The following LARP6 variants were observed in gnomAD, a reference collection of about 807,000 sequenced individuals.
The protein encoded by LARP6 is la-related protein 6.
Under a neutral mutation model 32.8 loss-of-function variants are expected in LARP6, and 18 were observed. That is an observed-to-expected ratio of 0.55 (90% CI 0.38 to 0.81). LARP6 has a LOEUF of 0.81. Among genes scored for constraint, LARP6 ranks in the 40% least tolerant of loss-of-function variants. The pLI is 0.00. For synonymous variants in LARP6, 289 were observed against 267.2 expected (o/e 1.08, Z -0.80); for missense variants, 598 against 663.1 (o/e 0.90, Z 1.08).
intron 1 of LARP6, among the ~76,000 whole-genome samples, chr15:70,844,917 T>G (rs2032320282): frequency 6.6e-6 from 1 of 152,196 alleles, no homozygotes; most frequent in African/African-American, 2.4e-5. Context: ...CTGTATCCTT[T>G]GGGGTCAGTT....
intron 1 of LARP6, among the ~76,000 whole-genome samples, chr15:70,845,241 C>T (rs553192207): frequency 7.2e-5 from 11 of 152,024 alleles, no homozygotes; most frequent in Admixed American, 3.3e-4. Context: ...TCCCTTTTTC[C>T]GTTCCAGGAT....
chr15:70,848,553 G>A lies in LARP6; in HGVS notation c.200+5336C>T, dbSNP rs183370529. Among the ~76,000 whole-genome samples the A allele has an allele frequency of 2.9e-3, 439 of 152,274 alleles. 5 individuals carry two copies. Among genetic ancestry groups the A allele is most frequent in the African/African-American group, 0.01 (429 of 41,554 alleles). On this transcript the variant is annotated intron_variant, in intron 1 of 2. Transcript: ENST00000299213. ...TCGAGACTAGCCTGGCCAACATGGT[G>A]AAACCCTGTCTCTACTAAAAATACA...
chr15:70,832,481 A>T lies in LARP6; in HGVS notation c.1047T>A (p.Pro349=). 4 of 1,549,304 alleles carry T rather than the reference A, an allele frequency of 2.6e-6. No homozygotes were observed. The highest frequency in any genetic ancestry group is 3.5e-6 in the Non-Finnish European group (4 of 1,151,002). The part of the protein sequence containing the change: ...SSDPESNPTS[P]MAGRRHAATN... ...TGGCCGCGTGCCGTCGGCCCGCCAT[A>T]GGGGATGTGGGGTTGCTCTCGGGGT... Residue 349 remains proline (P), a synonymous_variant, in exon 3 of 3, where the codon CCT becomes CCA. Coordinates refer to ENST00000299213, the MANE Select transcript of LARP6 (RefSeq NM_018357.4).
In LARP6 at chr15:70,832,327, C is replaced by T. The variant is rs1351579244; in HGVS notation, c.1201G>A (p.Glu401Lys). 6.8e-6 allele frequency: 11 copies of T among 1,614,132 alleles called. No homozygotes were observed. ...GVSRKSPLAEEGRLNCSTSPE... is the reference protein window; with the variant it reads ...GVSRKSPLAEKGRLNCSTSPE... ...CTGGTGCTGCAGTTCAGTCTACCTT[C>T]CTCCGCCAGTGGGGACTTTCTGGAA... Residue 401 changes from glutamate to lysine, a missense_variant, in exon 3 of 3, where the codon GAA (glutamate) becomes AAA (lysine). Around this residue, in one of 3 missense-constraint regions of LARP6, gnomAD observed 368 missense variants for 397.9 expected, o/e 0.92. Transcript: ENST00000299213.
intron 1 of LARP6, among the ~76,000 whole-genome samples, chr15:70,842,895 T>G (rs1268553945): frequency 6.6e-6 from 1 of 152,120 alleles, no homozygotes; most frequent in Admixed American, 6.5e-5. Context: ...ACTATGCATC[T>G]CCAAAGGGGG....
At chr15:70,841,088 T>C (rs2032248456) in intron 1 of LARP6, among the ~76,000 whole-genome samples, 1 of 151,666 alleles carries the variant, frequency 6.6e-6, no homozygotes, top group Non-Finnish European at 1.5e-5. Context: ...TAATTTTTTG[T>C]ATTTTTAGTA....
At position 70,831,865 on chromosome 15, in the gene LARP6, C is replaced by A. The variant is rs971191359; in HGVS notation, c.*187G>T. On this transcript the variant is annotated 3_prime_UTR_variant, in exon 3 of 3. Coordinates refer to ENST00000299213, the MANE Select transcript of LARP6 (RefSeq NM_018357.4). The stretch of plus-strand genomic sequence containing the variant: ...TGCTGGGAAGAACAGGAGTCCTGAA[C>A]TAGAAGGTGGTCTTCAAACCATGGC... 1 of 421,518 alleles carries A rather than the reference C, an allele frequency of 2.4e-6. No homozygotes were observed. The highest frequency in any genetic ancestry group is 2.0e-5 in the African/African-American group (1 of 48,980). 26.1% of individuals were successfully genotyped at this position (421,518 alleles called of 1,614,324 possible). A position where few individuals can be genotyped will look rare whatever the true frequency, so the allele number is the denominator to read the frequency against.
At position 70,830,541 on chromosome 15, in the gene LARP6, A is replaced by G. The variant is rs922451660; in HGVS notation, c.*1511T>C. On this transcript the variant is annotated 3_prime_UTR_variant, in exon 3 of 3. Transcript: ENST00000299213. ...GTGTGGGCTCCAAAGCCAGACCACT[A>G]GTTTCAAGCCCAACTCTACCAATTT... is the stretch of plus-strand genomic sequence containing the variant. 2.0e-5 allele frequency: 3 copies of G among 152,240 alleles called. No homozygotes were observed. Among genetic ancestry groups the G allele is most frequent in the African/African-American group, 4.8e-5 (2 of 41,458 alleles). The allele number at this position is 152,240 out of a possible 1,614,324, so 9.4% of individuals were successfully genotyped here.
Position 70,832,908 on chromosome 15 carries a change from C to A in LARP6, c.620G>T (p.Gly207Val). The change falls in exon 3 of 3, where the codon GGA becomes GTA. Residue 207 changes from glycine (G) to valine (V), a missense_variant. Physicochemically the swap from Gly to Val is moderately radical, Grantham distance 109. Around this residue, in one of 3 missense-constraint regions of LARP6, gnomAD observed 368 missense variants for 397.9 expected, o/e 0.92. Coordinates refer to ENST00000299213, the MANE Select transcript of LARP6 (RefSeq NM_018357.4). Reference protein sequence around the residue: ...LWALATPQKNGRVQEKVMEHL... With the variant: ...LWALATPQKNVRVQEKVMEHL... ...TTCCATCACCTTCTCTTGCACCCTTCCATTCTTCTGGGGGGTGGCCAGAGC... is the reference window on the plus strand; with the variant it reads ...TTCCATCACCTTCTCTTGCACCCTTACATTCTTCTGGGGGGTGGCCAGAGC... 1.9e-6 allele frequency: 3 copies of A among 1,603,824 alleles called. No individual in the cohort carries two copies. The highest frequency in any genetic ancestry group is 2.6e-6 in the Non-Finnish European group (3 of 1,175,486).
At chr15:70,849,101 G>C (rs753261544) in intron 1 of LARP6, 1 of 152,200 alleles carries the variant, frequency 6.6e-6, no homozygotes, top group Non-Finnish European at 1.5e-5. Flanking sequence ...GCTGACGCCT[G>C]TAATCCCAGC....
At chr15:70,838,689 T>G (rs2032192513) in intron 1 of LARP6, among the ~76,000 whole-genome samples, 1 of 152,100 alleles carries the variant, frequency 6.6e-6, no homozygotes, top group Non-Finnish European at 1.5e-5. Context: ...TATAACAATT[T>G]CAAACCAATA....
At chr15:70,840,710 G>A (rs1353546754) in intron 1 of LARP6, among the ~76,000 whole-genome samples, 2 of 152,192 alleles carry the variant, frequency 1.3e-5, no homozygotes, top group Non-Finnish European at 2.9e-5. Flanking sequence ...CAGACTCAGG[G>A]GTATTGGCAA....
intron 1 of LARP6, chr15:70,852,112 G>C: frequency 2.9e-6 from 1 of 348,414 alleles, no homozygotes; most frequent in Non-Finnish European, 5.7e-6. Context: ...CATTCACATC[G>C]GGTGATGGCT....
intron 1 of LARP6, among the ~76,000 whole-genome samples, chr15:70,845,271 T>C (rs2032325456): frequency 6.6e-6 from 1 of 152,190 alleles, no homozygotes; most frequent in Non-Finnish European, 1.5e-5. Flanking sequence ...GACACCACAA[T>C]ACATTAACAC....
chr15:70,849,898 G>T (rs1311062521), intron 1 of LARP6: 1 of 151,982 alleles, frequency 6.6e-6, no homozygotes, highest in Non-Finnish European at 1.5e-5. Context: ...AGAAACTTTT[G>T]TTCAATCCAG....
chr15:70,843,487 C>T (rs2032292437), intron 1 of LARP6, among the ~76,000 whole-genome samples: 1 of 152,092 alleles, frequency 6.6e-6, no homozygotes, highest in African/African-American at 2.4e-5. Context: ...ATGCTTATAG[C>T]TCTATTTCTC....
In LARP6 at chr15:70,851,690, C is replaced by T. The variant is rs749213083; in HGVS notation, c.200+2199G>A. The T allele has an allele frequency of 2.5e-6, 4 of 1,614,120 alleles. No individual in the cohort carries two copies. The South Asian group carries it at 3.3e-5, about 13-fold the overall frequency. On this transcript the variant is annotated intron_variant, in intron 1 of 2. Coordinates refer to ENST00000299213, the MANE Select transcript of LARP6 (RefSeq NM_018357.4). The stretch of plus-strand genomic sequence containing the variant: ...CTGAAGATACAATGAACGAAGCAAG[C>T]ATGGTCCTTGAATTCACCGAGCTCC...
Position 70,836,570 on chromosome 15 carries a change from A to G in LARP6, c.201-65T>C, listed in dbSNP as rs1487567755. On this transcript the variant is annotated intron_variant, in intron 1 of 2. Transcript: ENST00000299213. ...TGAACTGTGTCCCCCAAAAATTCAT[A>G]TGCTGAAGTCCTGACCCCCAATACC... The G allele has an allele frequency of 2.2e-6, 3 of 1,349,132 alleles. No homozygotes were observed. The African/African-American group carries it at 4.3e-5, about 19-fold the overall frequency. The allele number at this position is 1,349,132 out of a possible 1,614,324, so 83.6% of individuals were successfully genotyped here.
Position 70,854,076 on chromosome 15 carries a change from C to A in LARP6, c.13G>T (p.Gly5Cys), listed in dbSNP as rs1379547166. ...TTGGGCCCGGGCCGAGCCTCCCCGCCGGACTGGGCCATGGCTCGCGGGACT... is the reference window on the plus strand; with the variant it reads ...TTGGGCCCGGGCCGAGCCTCCCCGCAGGACTGGGCCATGGCTCGCGGGACT... MAQSGGEARPGPKTA... is the reference protein window; with the variant it reads MAQSCGEARPGPKTA... Residue 5 changes from glycine (G) to cysteine (C), a missense_variant, in exon 1 of 3, where the codon GGC becomes TGC. By Grantham distance (159) the Gly-to-Cys change is radical (BLOSUM62 -3). Around this residue, in one of 3 missense-constraint regions of LARP6, gnomAD observed 161 missense variants for 148.6 expected, o/e 1.08. Coordinates refer to ENST00000299213, the MANE Select transcript of LARP6 (RefSeq NM_018357.4). 1 of 1,352,176 alleles carries A rather than the reference C, an allele frequency of 7.4e-7. No homozygotes were observed. The highest frequency in any genetic ancestry group is 9.6e-7 in the Non-Finnish European group (1 of 1,045,166). 83.8% of individuals were successfully genotyped at this position (1,352,176 alleles called of 1,614,324 possible). A position where few individuals can be genotyped will look rare whatever the true frequency, so the allele number is the denominator to read the frequency against.
Sources: gnomAD v4.1 joint callset for allele counts (sites outside exome capture counted in the v4.1 genomes callset) on GRCh38, gnomAD v4.1.1 for gene constraint, gnomAD v4.1.1 regional missense constraint, MANE v1.5 for transcripts, NCBI Gene and HGNC (gene_info 2026-07-23, HGNC 2026-07-21) for gene names.